Variants in SMYD3 observed in about 807,000 individuals in gnomAD.
SMYD3 encodes histone-lysine N-methyltransferase SMYD3.
In SMYD3, 36 loss-of-function variants were observed where a neutral mutation model predicts 57.7. That is an observed-to-expected ratio of 0.62 (90% confidence interval 0.48 to 0.82). The LOEUF (loss-of-function observed/expected upper bound fraction) is 0.82. Ranked by LOEUF, SMYD3 falls within the 40% of genes least tolerant of loss-of-function variation. The pLI is 0.00. For missense variants in SMYD3, 515 were observed against 538.8 expected, an observed-to-expected ratio of 0.96 and a Z score of 0.44; for synonymous variants, 211 against 195.0, an observed-to-expected ratio of 1.08 and a Z score of -0.68.
chr1:246,259,411 G>GT (rs529330419), intron 5 of SMYD3, among the ~76,000 whole-genome samples: 10 of 151,894 alleles, frequency 6.6e-5, no homozygotes, highest in South Asian at 2.1e-4. Context: ...ATGTTACTGG[G>GT]TTTTTTTTCC....
intron 8 of SMYD3, among the ~76,000 whole-genome samples, chr1:245,876,417 A>T (rs1434119640): frequency 6.6e-6 from 1 of 152,142 alleles, no homozygotes; most frequent in Non-Finnish European, 1.5e-5. Flanking sequence ...TGGGCCAAGG[A>T]CCATCAGCGT....
intron 5 of SMYD3, among the ~76,000 whole-genome samples, chr1:246,158,156 T>C (rs2062052110): frequency 6.6e-6 from 1 of 152,206 alleles, no homozygotes; most frequent in African/African-American, 2.4e-5. Context: ...TGAAGACATC[T>C]TATCCTGAAT....
At chr1:246,465,312 T>A (rs1197955542) in intron 1 of SMYD3, among the ~76,000 whole-genome samples, 4 of 152,216 alleles carry the variant, frequency 2.6e-5, no homozygotes, top group African/African-American at 9.6e-5. Context: ...TCTAAAGACT[T>A]GAATTGTTTC....
chr1:246,270,902 C>T (rs957212092), intron 5 of SMYD3, among the ~76,000 whole-genome samples: 1 of 152,172 alleles, frequency 6.6e-6, no homozygotes, highest in Non-Finnish European at 1.5e-5. Context: ...ATACTGTTTG[C>T]CACAGTGGCT....
chr1:246,058,489 G>A (rs2060192512), intron 5 of SMYD3, among the ~76,000 whole-genome samples: 1 of 152,294 alleles, frequency 6.6e-6, no homozygotes, highest in Admixed American at 6.5e-5. Flanking sequence ...GAAGCAGCAC[G>A]TTATCTTACG....
chr1:246,056,937 C>T (rs369905824), intron 5 of SMYD3, among the ~76,000 whole-genome samples: 1 of 152,126 alleles, frequency 6.6e-6, no homozygotes, highest in Non-Finnish European at 1.5e-5. Context: ...TCCCAGGTCC[C>T]GTCCTACTGC....
rs1371513463 is a variant in SMYD3 at position 245,955,147 on chromosome 1, A to G, written c.532-25210T>C. On this transcript the variant is annotated intron_variant, in intron 5 of 11. Coordinates refer to ENST00000490107, the MANE Select transcript of SMYD3 (RefSeq NM_001167740.2). ...CGCTCTGTCGCCCAGGCTGGACTGC[A>G]GTGGCGCGATCTCAGCTCACTGCAA... is the stretch of plus-strand genomic sequence containing the variant. Among the ~76,000 whole-genome samples the G allele has an allele frequency of 3.9e-5, 6 of 152,278 alleles. No individual in the cohort carries two copies. In the East Asian group the frequency reaches 5.8e-4, roughly 15 times the overall value.
intron 5 of SMYD3, among the ~76,000 whole-genome samples, chr1:246,053,777 C>A (rs937534241): frequency 6.6e-6 from 1 of 150,448 alleles, no homozygotes; most frequent in Non-Finnish European, 1.5e-5. Context: ...TAGTGAGACC[C>A]GATCTCTATG....
intron 5 of SMYD3, among the ~76,000 whole-genome samples, chr1:246,047,323 C>A (rs1300524929): frequency 6.6e-6 from 1 of 152,136 alleles, no homozygotes; most frequent in African/African-American, 2.4e-5. Flanking sequence ...GAACAATTAA[C>A]CAGATAGCAC....
intron 5 of SMYD3, among the ~76,000 whole-genome samples, chr1:245,977,177 A>G (rs1418325208): frequency 6.6e-6 from 1 of 152,236 alleles, no homozygotes; most frequent in Admixed American, 6.5e-5. Flanking sequence ...TTTTACAAAC[A>G]TGAAGGATTC....
intron 10 of SMYD3, among the ~76,000 whole-genome samples, chr1:245,853,835 C>G (rs1188533553): frequency 6.6e-6 from 1 of 152,168 alleles, no homozygotes; most frequent in African/African-American, 2.4e-5. Context: ...ACACAAACTA[C>G]CAGCTGCATT....
intron 5 of SMYD3, among the ~76,000 whole-genome samples, chr1:246,261,750 C>T (rs2064017877): frequency 6.6e-6 from 1 of 151,946 alleles, no homozygotes; most frequent in Non-Finnish European, 1.5e-5. Flanking sequence ...GAGAAATATA[C>T]CATTTTCTCT....
At chr1:246,284,024 C>A (rs1558376130) in intron 5 of SMYD3, among the ~76,000 whole-genome samples, 1 of 152,148 alleles carries the variant, frequency 6.6e-6, no homozygotes, top group Non-Finnish European at 1.5e-5. Context: ...GAAAGAAGAA[C>A]TACATGAATT....
rs186740946 is a variant in SMYD3 at position 246,485,423 on chromosome 1, T to C, written c.164+21631A>G. On this transcript the variant is annotated intron_variant, in intron 1 of 11. Transcript: ENST00000490107. Reference sequence around the variant, plus strand: ...ATCATTTTATTATGAACTCACAGCATCACAGAATGTATAATTACTGTTGAC... The same window carrying C: ...ATCATTTTATTATGAACTCACAGCACCACAGAATGTATAATTACTGTTGAC... 1.1e-4 allele frequency among the ~76,000 whole-genome samples: 17 copies of C among 152,322 alleles called. No homozygotes were observed. The East Asian group carries it at 3.3e-3, about 29-fold the overall frequency.
intron 1 of SMYD3, among the ~76,000 whole-genome samples, chr1:246,458,122 T>A (rs549846265): frequency 5.9e-5 from 9 of 152,238 alleles, no homozygotes; most frequent in Middle Eastern, 3.4e-3. Context: ...TTGTGCCTAA[T>A]AAAGACTTCC....
chr1:246,108,797 C>T (rs1393424355), intron 5 of SMYD3: 1 of 152,340 alleles, frequency 6.6e-6, no homozygotes, highest in African/African-American at 2.4e-5. Context: ...CAACGTAAGA[C>T]AAAGACAACC....
At chr1:245,806,515 C>T (rs2048149582) in intron 10 of SMYD3, among the ~76,000 whole-genome samples, 1 of 152,154 alleles carries the variant, frequency 6.6e-6, no homozygotes, top group Non-Finnish European at 1.5e-5. Flanking sequence ...GATACCTGAA[C>T]CCTTCCTTGC....
At chr1:245,922,854 TA>T (rs747989907) in intron 7 of SMYD3, among the ~76,000 whole-genome samples, 10 of 151,940 alleles carry the variant, frequency 6.6e-5, no homozygotes, top group African/African-American at 2.4e-4. Flanking sequence ...TTCCATAAAA[TA>T]AAAAAAATGA....
chr1:246,232,941 A>G (rs2063439501), intron 5 of SMYD3, among the ~76,000 whole-genome samples: 1 of 136,682 alleles, frequency 7.3e-6, no homozygotes, highest in African/African-American at 2.7e-5. Flanking sequence ...TATACCACAC[A>G]GAGGAGAAGC....
Sources: allele counts gnomAD v4.1 joint callset (sites outside exome capture counted in the v4.1 genomes callset), GRCh38; gene constraint gnomAD v4.1.1; transcripts MANE v1.5; gene names NCBI Gene and HGNC (gene_info 2026-07-23, HGNC 2026-07-21).